The following RBP5 variants were observed in gnomAD, a reference collection of about 807,000 sequenced individuals.
RBP5 encodes retinol-binding protein 5.
Under a neutral mutation model 17.8 loss-of-function variants are expected in RBP5, and 12 were observed. The observed-to-expected ratio is 0.67, with a 90% CI of 0.43 to 1.09. The LOEUF (loss-of-function observed/expected upper bound fraction) is 1.09, where lower values mean the gene tolerates loss of function less well. Ranked by LOEUF, RBP5 falls within the 50% of genes least tolerant of loss-of-function variation. The pLI, the probability that RBP5 is intolerant of heterozygous loss-of-function variation, is 0.00. For synonymous variants in RBP5, 64 were observed against 68.1 expected (o/e 0.94, Z 0.30); for missense variants, 172 against 169.4 (o/e 1.02, Z -0.09).
chr12:7,124,134 C>T lies in RBP5; in HGVS notation c.395G>A (p.Arg132Lys). 6.2e-7 allele frequency: 1 copy of T among 1,614,120 alleles called. No homozygotes were observed. The highest frequency in any genetic ancestry group is 8.5e-7 in the Non-Finnish European group (1 of 1,180,020). ...ARDAVCEQVF[R>K]KVR ...GCTCCTCTCCGGCTATCTGACCTTC[C>T]TGAAGACCTGCTCGCACACTGCATC... Residue 132 changes from arginine to lysine, a missense_variant, in exon 4 of 4, where the codon AGG becomes AAG. Physicochemically the swap from Arg to Lys is conservative, Grantham distance 26. Coordinates refer to ENST00000266560, the MANE Select transcript of RBP5 (RefSeq NM_031491.4). The surrounding 1 kb of genome is among the most constrained non-coding windows in gnomAD (Gnocchi z 5.3).
intron 2 of RBP5, among the ~76,000 whole-genome samples, chr12:7,126,510 G>GGTGGTGGTGTGT (rs751535528): frequency 4.3e-4 from 56 of 131,106 alleles, no homozygotes; most frequent in African/African-American, 9.9e-4. Flanking sequence ...TGGTGGTGGT[G>GGTGGTGGTGTGT]GTGTGTGTGT....
chr12:7,123,291 A>T (rs940530449), downstream of RBP5, among the ~76,000 whole-genome samples: 4 of 152,174 alleles, frequency 2.6e-5, no homozygotes, highest in South Asian at 8.3e-4. Context: ...CTTTGAGCAG[A>T]GGGTCCCTAT....
chr12:7,127,648 A>G (rs1939196348), intron 2 of RBP5: 1 of 702,156 alleles, frequency 1.4e-6, no homozygotes. Flanking sequence ...TTTTGTAGGC[A>G]GTTGAAAACA....
rs71450185 is a variant in RBP5, at chr12:7,126,489, T to TGTGGTG, written c.252+1745_252+1750dup. ...TACAAAGATTTCTTGGCCGATTAGA[T>TGTGGTG]GTGGTGGTGGTGGTGGTGGTGGTGT... On this transcript the variant is annotated intron_variant, in intron 2 of 3. Transcript: ENST00000266560. 2.9e-3 allele frequency among the ~76,000 whole-genome samples: 342 copies of TGTGGTG among 116,114 alleles called. 4 individuals carry two copies. The highest frequency in any genetic ancestry group is 7.5e-3 in the South Asian group (21 of 2,802). 76.2% of individuals were successfully genotyped at this position (116,114 alleles called of 152,430 possible). A position where few individuals can be genotyped will look rare whatever the true frequency, so the allele number is the denominator to read the frequency against.
At position 7,124,216 on chromosome 12, in the gene RBP5, G is replaced by GT; in HGVS notation, c.355-43dup. ...AGTGAGGGGGAGAGAGAAAGAGGGCGTTTGCCAGCCAGAGCCCCTTTCTCA... is the reference window on the plus strand; with the variant it reads ...AGTGAGGGGGAGAGAGAAAGAGGGCGTTTTGCCAGCCAGAGCCCCTTTCTCA... On this transcript the variant is annotated intron_variant, in intron 3 of 3. Transcript: ENST00000266560. The surrounding 1 kb of genome is among the most constrained non-coding windows in gnomAD (Gnocchi z 5.3). 1 of 1,594,560 alleles carries GT rather than the reference G, an allele frequency of 6.3e-7. No homozygotes were observed. Among genetic ancestry groups the GT allele is most frequent in the Non-Finnish European group, 8.6e-7 (1 of 1,162,610 alleles).
At position 7,117,517 on chromosome 12, in the gene RBP5, C is replaced by CCCAAAGTATA. The variant is rs1939020526; in HGVS notation, n.890-211_890-210insTATACTTTGG. On this transcript the variant is annotated intron_variant and non_coding_transcript_variant, in intron 3 of 3. Transcript: ENST00000619522. This position sits in a 1 kb window ranked among gnomAD's most constrained non-coding sequence, Gnocchi z 4.9. ...CAGAGTACCTTTGGGGGCTCTGACCCTCTCCTCCTCCACCTTGAGATCTGT... is the reference window on the plus strand; with the variant it reads ...CAGAGTACCTTTGGGGGCTCTGACCCCCAAAGTATATCTCCTCCTCCACCTTGAGATCTGT... The CCCAAAGTATA allele has an allele frequency of 6.6e-6, 1 of 152,108 alleles. No homozygotes were observed. The highest frequency in any genetic ancestry group is 6.5e-5 in the Admixed American group (1 of 15,268). The allele number at this position is 152,108 out of a possible 1,614,324, so 9.4% of individuals were successfully genotyped here.
chr12:7,128,178 ATGT>A lies in RBP5; in HGVS notation c.252+59_252+61del. The A allele has an allele frequency of 6.8e-7, 1 of 1,476,348 alleles. No homozygotes were observed. Among genetic ancestry groups the A allele is most frequent in the Non-Finnish European group, 9.2e-7 (1 of 1,085,534 alleles). The allele number at this position is 1,476,348 out of a possible 1,614,324, so 91.5% of individuals were successfully genotyped here. A position where few individuals can be genotyped will look rare whatever the true frequency, so the allele number is the denominator to read the frequency against. On this transcript the variant is annotated intron_variant, in intron 2 of 3. Coordinates refer to ENST00000266560, the MANE Select transcript of RBP5 (RefSeq NM_031491.4). The surrounding 1 kb of genome is among the most constrained non-coding windows in gnomAD (Gnocchi z 5.3). The stretch of plus-strand genomic sequence containing the variant: ...GGGGAAGGTCACTTTGTTTTGCCCC[ATGT>A]TGTTAGGAGTCTCCTGTGATGCCTC...
chr12:7,128,331 G>C lies in RBP5; in HGVS notation c.161C>G (p.Thr54Arg). 1.9e-6 allele frequency: 3 copies of C among 1,613,976 alleles called. No homozygotes were observed. Among genetic ancestry groups the C allele is most frequent in the Non-Finnish European group, 2.5e-6 (3 of 1,179,952 alleles). The change falls in exon 2 of 4, where the codon ACG (threonine) becomes AGG (arginine). Residue 54 changes from threonine (T) to arginine (R), a missense_variant. Thr to Arg is a moderately conservative substitution (Grantham distance 71, BLOSUM62 -1). Transcript: ENST00000266560. The surrounding 1 kb of genome is among the most constrained non-coding windows in gnomAD (Gnocchi z 5.3). ...AGTGTAGTTTCGGAAGGTGCTGAGCGTCCTCACCGTCATGTGGTTGCCCTG... is the reference window on the plus strand; with the variant it reads ...AGTGTAGTTTCGGAAGGTGCTGAGCCTCCTCACCGTCATGTGGTTGCCCTG... ...EHQGNHMTVR[T>R]LSTFRNYTVQ...
upstream of RBP5, chr12:7,129,899 C>G (rs1382870110): frequency 9.2e-6 from 7 of 759,422 alleles, no homozygotes; most frequent in Non-Finnish European, 1.1e-5. The surrounding 1 kb of genome is among the most constrained non-coding windows in gnomAD (Gnocchi z 5.5). Context: ...CCCTGCGGAC[C>G]GCCCTGTGGC....
At chr12:7,126,276 G>A (rs565054508) in intron 2 of RBP5, among the ~76,000 whole-genome samples, 5 of 152,090 alleles carry the variant, frequency 3.3e-5, no homozygotes, top group Non-Finnish European at 5.9e-5. Flanking sequence ...ATATATTTTA[G>A]TTAACCAAAA....
At position 7,124,018 on chromosome 12, in the gene RBP5, C is replaced by T. The variant is rs1380253362; in HGVS notation, c.*103G>A. The T allele has an allele frequency of 2.1e-5, 23 of 1,111,918 alleles. No homozygotes were observed. Among genetic ancestry groups the T allele is most frequent in the Non-Finnish European group, 3.0e-5 (22 of 725,458 alleles). 68.9% of individuals were successfully genotyped at this position (1,111,918 alleles called of 1,614,324 possible). On this transcript the variant is annotated 3_prime_UTR_variant, in exon 4 of 4. Coordinates refer to ENST00000266560, the MANE Select transcript of RBP5 (RefSeq NM_031491.4). This position sits in a 1 kb window ranked among gnomAD's most constrained non-coding sequence, Gnocchi z 5.3. ...GGGACCCAGAGGGAGGAAAGGTGGC[C>T]AGAGGAAGGGACAGCTGACCTGGCA... is the stretch of plus-strand genomic sequence containing the variant.
chr12:7,128,801 T>G lies in RBP5; in HGVS notation c.-26A>C. On this transcript the variant is annotated 5_prime_UTR_variant, in exon 1 of 4. Coordinates refer to ENST00000266560, the MANE Select transcript of RBP5 (RefSeq NM_031491.4). The surrounding 1 kb of genome is among the most constrained non-coding windows in gnomAD (Gnocchi z 5.3). ...TGTGTGGATGAAGGTTTCAGGAGAA[T>G]GCAGGAGACAGGGTGAGGAAGGAGG... 6.4e-7 allele frequency: 1 copy of G among 1,567,840 alleles called. No individual in the cohort carries two copies. The highest frequency in any genetic ancestry group is 8.7e-7 in the Non-Finnish European group (1 of 1,150,936).
downstream of RBP5, among the ~76,000 whole-genome samples, chr12:7,122,870 T>C (rs1939099303): frequency 6.6e-6 from 1 of 152,144 alleles, no homozygotes; most frequent in East Asian, 1.9e-4. Flanking sequence ...CTTTTTTTTT[T>C]CTATTCCAAA....
rs374128108 is a variant in RBP5 at position 7,124,403 on chromosome 12, T to C, written c.354+226A>G. Among the ~76,000 whole-genome samples the C allele has an allele frequency of 4.6e-5, 7 of 152,296 alleles. No homozygotes were observed. Among genetic ancestry groups the C allele is most frequent in the African/African-American group, 1.7e-4 (7 of 41,562 alleles). On this transcript the variant is annotated intron_variant, in intron 3 of 3. Transcript: ENST00000266560. The surrounding 1 kb of genome is among the most constrained non-coding windows in gnomAD (Gnocchi z 5.3). Reference sequence around the variant, plus strand: ...GCTGAAGCCTCCATCTCGCCAGTGATGATTTATGGGCATTCATCCGACTCG... The same window carrying C: ...GCTGAAGCCTCCATCTCGCCAGTGACGATTTATGGGCATTCATCCGACTCG...
At chr12:7,118,526 G>T (rs1939034936) in intron 3 of RBP5, 1 of 152,282 alleles carries the variant, frequency 6.6e-6, no homozygotes, top group Admixed American at 6.5e-5. Flanking sequence ...GGGAAAGGAA[G>T]ATGCTGGCTC....
chr12:7,119,940 A>G (rs1939057251), downstream of RBP5, among the ~76,000 whole-genome samples: 1 of 152,186 alleles, frequency 6.6e-6, no homozygotes, highest in Non-Finnish European at 1.5e-5. Context: ...TTTGGGTGGC[A>G]TTTTAGGTTC....
chr12:7,121,397 G>C (rs1337767615), downstream of RBP5, among the ~76,000 whole-genome samples: 1 of 152,196 alleles, frequency 6.6e-6, no homozygotes, highest in Non-Finnish European at 1.5e-5. Flanking sequence ...ACCCGGGATG[G>C]CCTTTGTGCT....
At chr12:7,122,703 C>T (rs990760710), downstream of RBP5, among the ~76,000 whole-genome samples, 22 of 152,256 alleles carry the variant, frequency 1.4e-4, no homozygotes, top group Admixed American at 1.2e-3. Context: ...CGAGTACACA[C>T]GGAGCATCCT....
Position 7,128,810 on chromosome 12 carries a change from C to T in RBP5, c.-35G>A. 6.5e-7 allele frequency: 1 copy of T among 1,533,740 alleles called. No homozygotes were observed. Among genetic ancestry groups the T allele is most frequent in the Non-Finnish European group, 8.9e-7 (1 of 1,123,474 alleles). ...GAAGGTTTCAGGAGAATGCAGGAGACAGGGTGAGGAAGGAGGGGGTGTTGT... is the reference window on the plus strand; with the variant it reads ...GAAGGTTTCAGGAGAATGCAGGAGATAGGGTGAGGAAGGAGGGGGTGTTGT... On this transcript the variant is annotated 5_prime_UTR_variant, in exon 1 of 4. Transcript: ENST00000266560. This position sits in a 1 kb window ranked among gnomAD's most constrained non-coding sequence, Gnocchi z 5.3.
Sources: allele counts gnomAD v4.1 joint callset (sites outside exome capture counted in the v4.1 genomes callset), GRCh38; gene constraint gnomAD v4.1.1; non-coding constraint Gnocchi (gnomAD v3.1); transcripts MANE v1.5; gene names NCBI Gene and HGNC (gene_info 2026-07-23, HGNC 2026-07-21).